The following SNRPN variants were observed in gnomAD, a reference collection of about 807,000 sequenced individuals.
SNRPN encodes the protein small nuclear ribonucleoprotein-associated protein N.
Under a neutral mutation model 25.2 loss-of-function variants are expected in SNRPN, and 7 were observed. The ratio of observed to expected loss-of-function variants is 0.28; its 90% CI spans 0.16 to 0.52. SNRPN has a LOEUF of 0.52. SNRPN is among the 20% of genes least tolerant of loss of function. The pLI, the probability that SNRPN is intolerant of heterozygous loss-of-function variation, is 0.96. For synonymous variants in SNRPN, 124 were observed against 110.6 expected (o/e 1.12, Z -0.76); for missense variants, 196 against 322.5 (o/e 0.61, Z 3.00).
At position 24,946,186 on chromosome 15, in the gene SNRPN, G is replaced by T. The variant is rs183475417; in HGVS notation, c.-390-15928G>T. Among the ~76,000 whole-genome samples the T allele has an allele frequency of 5.0e-3, 767 of 152,330 alleles. 5 individuals are homozygous for T. The highest frequency in any genetic ancestry group is 0.017 in the African/African-American group (725 of 41,580). ...TGAATCTGGGCTCAAATGCTTGAGA[G>T]CTGTGTGACTTTGAGTACGGTTCTT... On this transcript the variant is annotated intron_variant, in intron 3 of 11. Transcript: ENST00000400097.
At chr15:24,923,540 G>T (rs569193133) in intron 3 of SNRPN, among the ~76,000 whole-genome samples, 1 of 152,128 alleles carries the variant, frequency 6.6e-6, no homozygotes, top group Non-Finnish European at 1.5e-5. Context: ...GTTTATAGCA[G>T]CATTATTTGT....
At chr15:24,977,107 G>A in intron 7 of SNRPN, 78 bp downstream of exon 7, 1 of 1,183,636 alleles carries the variant, frequency 8.4e-7, no homozygotes, top group Non-Finnish European at 1.2e-6. Flanking sequence ...AAAAACCTAA[G>A]TGTATGTGTC....
chr15:24,845,202 A>G (rs1199222917), intron 2 of SNRPN, among the ~76,000 whole-genome samples: 1 of 152,244 alleles, frequency 6.6e-6, no homozygotes, highest in Non-Finnish European at 1.5e-5. Context: ...GAATATGCAT[A>G]TGCTATACAT....
At chr15:24,843,913 C>T (rs965601987) in intron 2 of SNRPN, among the ~76,000 whole-genome samples, 1 of 150,952 alleles carries the variant, frequency 6.6e-6, no homozygotes, top group Non-Finnish European at 1.5e-5. Context: ...GCAGAGGTTG[C>T]AGTGAGCTGA....
chr15:24,891,249 G>C (rs1221464118), intron 2 of SNRPN, among the ~76,000 whole-genome samples: 1 of 152,016 alleles, frequency 6.6e-6, no homozygotes, highest in Non-Finnish European at 1.5e-5. Flanking sequence ...TTGAGACAGG[G>C]TTGTTGCTCT....
At chr15:24,951,801 CCCAGCCAAG>C (rs1460296250), upstream of SNRPN, among the ~76,000 whole-genome samples, 1 of 152,178 alleles carries the variant, frequency 6.6e-6, no homozygotes, top group Admixed American at 6.5e-5. Flanking sequence ...AGTCACTGCG[CCCAGCCAAG>C]TACTAACACT....
intron 1 of SNRPN, among the ~76,000 whole-genome samples, chr15:24,882,823 C>CAAAAAAAAAAAAAAAAAA (rs10543501): frequency 2.8e-4 from 35 of 127,088 alleles, no homozygotes; most frequent in African/African-American, 7.3e-4. Context: ...GACTCCATCT[C>CAAAAAAAAAAAAAAAAAA]AAAAAAAAAA....
intron 2 of SNRPN, among the ~76,000 whole-genome samples, chr15:24,896,521 G>A (rs950005575): frequency 2.0e-5 from 3 of 151,750 alleles, no homozygotes; most frequent in African/African-American, 4.8e-5. Flanking sequence ...CCCCCCCGCC[G>A]GCTAACACGG....
At chr15:24,837,796 C>G (rs2051347257) in intron 2 of SNRPN, among the ~76,000 whole-genome samples, 1 of 151,784 alleles carries the variant, frequency 6.6e-6, no homozygotes, top group African/African-American at 2.4e-5. Flanking sequence ...ACAATCTTGG[C>G]TCACTGCAAC....
chr15:24,894,960 G>C (rs561698276), intron 2 of SNRPN, among the ~76,000 whole-genome samples: 1 of 152,178 alleles, frequency 6.6e-6, no homozygotes, highest in Non-Finnish European at 1.5e-5. Flanking sequence ...TATGTAACAT[G>C]AGTCTTCATA....
rs191712861 is a variant in SNRPN, at chr15:24,874,138, G to A, written c.-578-12378G>A. Among the ~76,000 whole-genome samples the A allele has an allele frequency of 2.6e-3, 395 of 151,438 alleles. 10 individuals carry two copies. Among genetic ancestry groups the A allele is most frequent in the Admixed American group, 0.024 (360 of 15,184 alleles). ...ATCCTGGCTAACACAGTGAAACCTC[G>A]TCTCTACTAAAAATACAAAAAATTA... On this transcript the variant is annotated intron_variant, in intron 1 of 11. Transcript: ENST00000400097.
At chr15:24,852,711 A>G (rs768578580), upstream of SNRPN, among the ~76,000 whole-genome samples, 5 of 152,198 alleles carry the variant, frequency 3.3e-5, no homozygotes, top group African/African-American at 4.8e-5. Context: ...GAATCCAGCA[A>G]TTCAGCAATT....
intron 2 of SNRPN, among the ~76,000 whole-genome samples, chr15:24,847,672 T>C (rs1215186109): frequency 6.6e-6 from 1 of 152,104 alleles, no homozygotes; most frequent in Non-Finnish European, 1.5e-5. Flanking sequence ...CAGGGGTCAG[T>C]GGTGAAATGC....
intron 2 of SNRPN, among the ~76,000 whole-genome samples, chr15:24,840,712 C>T (rs1031390041): frequency 7.2e-5 from 11 of 152,194 alleles, no homozygotes; most frequent in African/African-American, 2.2e-4. Flanking sequence ...CCTTTGTATC[C>T]GTGAGTGCAG....
intron 1 of SNRPN, among the ~76,000 whole-genome samples, chr15:24,874,740 A>C (rs955416998): frequency 1.3e-5 from 2 of 150,860 alleles, no homozygotes; most frequent in African/African-American, 4.9e-5. Flanking sequence ...TAATCTCATA[A>C]ATAGGAGAGT....
At chr15:24,923,009 G>A (rs1004256626) in intron 3 of SNRPN, among the ~76,000 whole-genome samples, 142 of 145,858 alleles carry the variant, frequency 9.7e-4, no homozygotes, top group African/African-American at 3.4e-3. Context: ...GCATTGAAGC[G>A]ATTCTCCTGC....
chr15:24,932,035 C>A (rs1196410572), intron 3 of SNRPN, among the ~76,000 whole-genome samples: 15 of 151,840 alleles, frequency 9.9e-5, no homozygotes, highest in Non-Finnish European at 1.3e-4. Context: ...TAGACTATGA[C>A]CCTCGCACAG....
chr15:24,922,284 G>C (rs1356344771), intron 3 of SNRPN, among the ~76,000 whole-genome samples: 1 of 152,154 alleles, frequency 6.6e-6, no homozygotes, highest in Non-Finnish European at 1.5e-5. Flanking sequence ...GAAAGTGGCA[G>C]GGCTGGGGTA....
upstream of SNRPN, among the ~76,000 whole-genome samples, chr15:24,854,327 A>G (rs532685146): frequency 5.3e-5 from 8 of 152,356 alleles, no homozygotes; most frequent in South Asian, 8.3e-4. Flanking sequence ...TTTTAAAAAC[A>G]ATAATGCATT....
Sources: gnomAD v4.1 joint callset for allele counts (sites outside exome capture counted in the v4.1 genomes callset) on GRCh38, gnomAD v4.1.1 for gene constraint, MANE v1.5 for transcripts, NCBI Gene and HGNC (gene_info 2026-07-23, HGNC 2026-07-21) for gene names.